The following HEATR6 variants were observed in gnomAD, a reference collection of about 807,000 sequenced individuals.
HEATR6 encodes the protein HEAT repeat-containing protein 6.
A neutral mutation model predicts 132.8 loss-of-function variants in HEATR6; 106 were observed. The observed-to-expected ratio is 0.80, with a 90% CI of 0.68 to 0.94. The LOEUF (loss-of-function observed/expected upper bound fraction) is 0.94. Among genes scored for constraint, HEATR6 ranks in the 40% least tolerant of loss-of-function variants. The probability of loss-of-function intolerance (pLI) is 0.00; values close to 1 mark genes in which losing one functional copy is unlikely to be tolerated. For missense variants in HEATR6, 1,339 were observed against 1,425.1 expected, an observed-to-expected ratio of 0.94 and a Z score of 0.97; for synonymous variants, 529 against 537.8, an observed-to-expected ratio of 0.98 and a Z score of 0.23.
At chr17:60,063,949 C>T (rs2083225261) in intron 9 of HEATR6, 1 of 152,190 alleles carries the variant, frequency 6.6e-6, no homozygotes, top group Non-Finnish European at 1.5e-5. Context: ...CTGTTCCATT[C>T]TAATTACATG....
chr17:60,054,190 C>A lies in HEATR6; in HGVS notation c.2289+1325G>T, dbSNP rs1306414308. 2.0e-5 allele frequency among the ~76,000 whole-genome samples: 3 copies of A among 152,362 alleles called. No individual in the cohort carries two copies. In the East Asian group the frequency reaches 5.8e-4, roughly 29 times the overall value. ...GGCTCAAAGGGCCCCAGATACTGCT[C>A]GGTTTTCTGCTTAGTGGGTACAGGC... On this transcript the variant is annotated intron_variant, in intron 14 of 19. Coordinates refer to ENST00000184956, the MANE Select transcript of HEATR6 (RefSeq NM_022070.5).
Position 60,057,176 on chromosome 17 carries a change from A to G in HEATR6, c.1951T>C (p.Cys651Arg), listed in dbSNP as rs1228180032. 6.2e-7 allele frequency: 1 copy of G among 1,614,184 alleles called. No individual in the cohort carries two copies. Among genetic ancestry groups the G allele is most frequent in the East Asian group, 2.2e-5 (1 of 44,884 alleles). The change falls in exon 12 of 20, where the codon TGC (cysteine) becomes CGC (arginine). Residue 651 changes from cysteine to arginine, a missense_variant. Physicochemically the swap from Cys to Arg is radical, Grantham distance 180 (BLOSUM62 -3). Transcript: ENST00000184956. ...VSSPKGSSEP[C>R]WLIRLCISIV... ...GAAATGCAGAGTCGAATGAGCCAGCAGGGCTCTGAAGACCCCTTAGGTGAG... is the reference window on the plus strand; with the variant it reads ...GAAATGCAGAGTCGAATGAGCCAGCGGGGCTCTGAAGACCCCTTAGGTGAG...
intron 13 of HEATR6, 58 bp from the exon 14 acceptor site, chr17:60,055,659 GAGTAACACCTTCACTCT>G (rs1352350530): frequency 2.5e-5 from 30 of 1,199,460 alleles, no homozygotes; most frequent in African/African-American, 4.5e-5. Context: ...GACTTCACTT[GAGTAACACCTTCACTCT>G]AGTAACACCT....
chr17:60,070,604 C>A (rs555072893), intron 6 of HEATR6, 102 bp downstream of exon 6: 1 of 543,104 alleles, frequency 1.8e-6, no homozygotes, highest in Non-Finnish European at 3.3e-6. Context: ...TATGTAAGAA[C>A]TTTTAATACC....
intron 18 of HEATR6, among the ~76,000 whole-genome samples, chr17:60,046,502 G>GTA (rs1906372156): frequency 6.6e-6 from 1 of 152,084 alleles, no homozygotes; most frequent in African/African-American, 2.4e-5. Flanking sequence ...TGGAGTATAA[G>GTA]GACCGGGAAC....
At chr17:60,070,655 T>A in intron 6 of HEATR6, 51 bp downstream of exon 6, 3 of 1,059,740 alleles carry the variant, frequency 2.8e-6, no homozygotes, top group Non-Finnish European at 4.4e-6. Context: ...GTGGTCCTTG[T>A]ACCATGGGTT....
At position 60,046,106 on chromosome 17, in the gene HEATR6, GA is replaced by G. The variant is rs1213265565; in HGVS notation, c.2892del (p.Leu965Ter). ...CGGACTTTCATGGCAGCTTCTGTTA[GA>G]ACAGTAGAAATTAGGGCCTGGATAG... ...EESIQALIST[V>X]LTEAAMKVRW... On this transcript the variant is annotated frameshift_variant, in exon 19 of 20. Coordinates refer to ENST00000184956, the MANE Select transcript of HEATR6 (RefSeq NM_022070.5). LOFTEE classifies it high-confidence loss of function. 3.7e-6 allele frequency: 6 copies of G among 1,613,888 alleles called. No individual in the cohort carries two copies. The highest frequency in any genetic ancestry group is 5.1e-6 in the Non-Finnish European group (6 of 1,179,790).
At chr17:60,062,643 T>C (rs906595677) in intron 9 of HEATR6, among the ~76,000 whole-genome samples, 1 of 152,220 alleles carries the variant, frequency 6.6e-6, no homozygotes, top group Admixed American at 6.5e-5. Context: ...GTTCACATGT[T>C]ATTTTATTGG....
At chr17:60,045,115 G>T (rs1906319841) in intron 19 of HEATR6, among the ~76,000 whole-genome samples, 1 of 152,212 alleles carries the variant, frequency 6.6e-6, no homozygotes, top group Non-Finnish European at 1.5e-5. Context: ...CACCACTGAG[G>T]TGCCCTGGTT....
At chr17:60,054,988 G>C (rs1315107190) in intron 14 of HEATR6, among the ~76,000 whole-genome samples, 1 of 152,138 alleles carries the variant, frequency 6.6e-6, no homozygotes, top group Admixed American at 6.6e-5. Context: ...TTGGGTCATG[G>C]GGGTGGATCC....
chr17:60,049,224 GCTCAAGTGAGCCTCCCAT>G lies in HEATR6; in HGVS notation c.2547+338_2547+355del, dbSNP rs1906499134. ...GCTCATTACAACCTTCACATCCCAG[GCTCAAGTGAGCCTCCCAT>G]CTCAGCCTCCCAAGTAGCTGGGACT... On this transcript the variant is annotated intron_variant, in intron 16 of 19. Coordinates refer to ENST00000184956, the MANE Select transcript of HEATR6 (RefSeq NM_022070.5). Among the ~76,000 whole-genome samples the G allele has an allele frequency of 2.7e-5, 4 of 150,458 alleles. No individual in the cohort carries two copies. The South Asian group carries it at 8.4e-4, about 32-fold the overall frequency.
Position 60,059,403 on chromosome 17 carries a change from G to A in HEATR6, c.1723+19C>T. The A allele has an allele frequency of 2.7e-6, 4 of 1,484,170 alleles. No homozygotes were observed. Among genetic ancestry groups the A allele is most frequent in the Non-Finnish European group, 3.7e-6 (4 of 1,068,650 alleles). The allele number at this position is 1,484,170 out of a possible 1,614,324, so 91.9% of individuals were successfully genotyped here. A position where few individuals can be genotyped will look rare whatever the true frequency, so the allele number is the denominator to read the frequency against. On this transcript the variant is annotated intron_variant, in intron 11 of 19. Coordinates refer to ENST00000184956, the MANE Select transcript of HEATR6 (RefSeq NM_022070.5). ...TCTGACTGATACAAAGAAGCCATCAGTTTTAAGCCACTACAAACCTTTGTG... is the reference window on the plus strand; with the variant it reads ...TCTGACTGATACAAAGAAGCCATCAATTTTAAGCCACTACAAACCTTTGTG...
Position 60,043,443 on chromosome 17 carries a change from C to T in HEATR6, c.*120G>A. Reference sequence around the variant, plus strand: ...GTGAAAATTTAAATGGCTGCTAAGTCATTCTAAATAAATAGTGAACGGATT... The same window carrying T: ...GTGAAAATTTAAATGGCTGCTAAGTTATTCTAAATAAATAGTGAACGGATT... On this transcript the variant is annotated 3_prime_UTR_variant, in exon 20 of 20. Coordinates refer to ENST00000184956, the MANE Select transcript of HEATR6 (RefSeq NM_022070.5). 2 of 884,860 alleles carry T rather than the reference C, an allele frequency of 2.3e-6. No homozygotes were observed. The highest frequency in any genetic ancestry group is 3.5e-6 in the Non-Finnish European group (2 of 565,560). 54.8% of individuals were successfully genotyped at this position (884,860 alleles called of 1,614,324 possible).
intron 12 of HEATR6, 118 bp downstream of exon 12, chr17:60,056,930 T>A: frequency 1.4e-6 from 1 of 695,448 alleles, no homozygotes; most frequent in Non-Finnish European, 2.4e-6. Flanking sequence ...ATACCTAAAA[T>A]ACAATTCCCA....
Position 60,072,228 on chromosome 17 carries a change from A to AT in HEATR6, c.685dup (p.Ile229AsnfsTer29). 6.3e-7 allele frequency: 1 copy of AT among 1,575,896 alleles called. No individual in the cohort carries two copies. Among genetic ancestry groups the AT allele is most frequent in the Admixed American group, 1.7e-5 (1 of 58,804 alleles). On this transcript the variant is annotated frameshift_variant, in exon 5 of 20. Coordinates refer to ENST00000184956, the MANE Select transcript of HEATR6 (RefSeq NM_022070.5). LOFTEE classifies it high-confidence loss of function. ...TAGTCCACTTACCATGCAAAATGTG[A>AT]TATCATCCATATCAGATGATTTTGG...
intron 2 of HEATR6, chr17:60,075,914 G>A: frequency 2.8e-6 from 1 of 362,374 alleles, no homozygotes; most frequent in Non-Finnish European, 5.0e-6. Flanking sequence ...CAAACAGAAA[G>A]GCATACTTCT....
At chr17:60,067,078 G>A (rs1232002179) in intron 8 of HEATR6, among the ~76,000 whole-genome samples, 2 of 151,768 alleles carry the variant, frequency 1.3e-5, no homozygotes, top group African/African-American at 4.8e-5. Flanking sequence ...AGACCATCCC[G>A]GCTAAAACGG....
At chr17:60,074,680 C>T (rs2083288072) in intron 2 of HEATR6, among the ~76,000 whole-genome samples, 2 of 152,126 alleles carry the variant, frequency 1.3e-5, no homozygotes, top group South Asian at 4.1e-4. Flanking sequence ...AGGGTAAACG[C>T]TAATTAGTTT....
chr17:60,073,393 C>A, intron 3 of HEATR6, 114 bp from the exon 4 acceptor site: 1 of 655,936 alleles, frequency 1.5e-6, no homozygotes, highest in Non-Finnish European at 2.7e-6. Flanking sequence ...CACCAAAAGA[C>A]TAGCTGTTAG....
Sources: allele counts gnomAD v4.1 joint callset (sites outside exome capture counted in the v4.1 genomes callset), GRCh38; gene constraint gnomAD v4.1.1; transcripts MANE v1.5; gene names NCBI Gene and HGNC (gene_info 2026-07-23, HGNC 2026-07-21).